The following DDB2 variants were observed in gnomAD, a reference collection of about 807,000 sequenced individuals.
DDB2 encodes the protein DNA damage-binding protein 2.
DDB2 carries 27 observed loss-of-function variants against 50.5 expected under a neutral mutation model. The ratio of observed to expected loss-of-function variants is 0.53; its 90% CI spans 0.39 to 0.74. The LOEUF is 0.74. Ranked by LOEUF, DDB2 falls within the 30% of genes least tolerant of loss-of-function variation. The pLI is 0.00. For missense variants in DDB2, 424 were observed against 545.6 expected (o/e 0.78, Z 2.22); for synonymous variants, 176 against 205.5 (o/e 0.86, Z 1.23).
At chr11:47,233,119 G>C (rs2135509474) in intron 4 of DDB2, 160 bp downstream of exon 4, 1 of 878,850 alleles carries the variant, frequency 1.1e-6, no homozygotes, top group East Asian at 2.5e-5. Flanking sequence ...CTGCTCCTTG[G>C]CTGCCCTCAC....
intron 3 of DDB2, among the ~76,000 whole-genome samples, chr11:47,225,603 AAAAAAAC>A (rs993754103): frequency 6.6e-6 from 1 of 152,258 alleles, no homozygotes; most frequent in South Asian, 2.1e-4. Flanking sequence ...ATTTTAAAAA[AAAAAAAC>A]AAAAAACTGG....
chr11:47,226,043 G>A (rs1953552724), intron 3 of DDB2, among the ~76,000 whole-genome samples: 1 of 152,080 alleles, frequency 6.6e-6, no homozygotes, highest in South Asian at 2.1e-4. Context: ...TCATCTTTTG[G>A]CTATTGTGAA....
At chr11:47,216,806 T>C in intron 2 of DDB2, 52 bp from the exon 3 acceptor site, 2 of 1,582,908 alleles carry the variant, frequency 1.3e-6, no homozygotes, top group Non-Finnish European at 1.7e-6. Flanking sequence ...GATTGGCAGT[T>C]TACCCAGAAC....
chr11:47,238,942 C>A lies in DDB2; in HGVS notation c.*93C>A. On this transcript the variant is annotated 3_prime_UTR_variant, in exon 10 of 10. Transcript: ENST00000256996. ...CAGAGGTGGCGATTTGTTAAAGGGC[C>A]AAAAGTATCCAAGGTTAGGGTTGGA... The A allele has an allele frequency of 7.4e-7, 1 of 1,344,640 alleles. No individual in the cohort carries two copies. Among genetic ancestry groups the A allele is most frequent in the Non-Finnish European group, 1.0e-6 (1 of 952,846 alleles). The allele number at this position is 1,344,640 out of a possible 1,614,324, so 83.3% of individuals were successfully genotyped here.
intron 7 of DDB2, among the ~76,000 whole-genome samples, chr11:47,236,558 T>C (rs1953728734): frequency 6.6e-6 from 1 of 152,150 alleles, no homozygotes; most frequent in Non-Finnish European, 1.5e-5. Flanking sequence ...CTTGGGCAAA[T>C]TACTTATATT....
In DDB2 at chr11:47,216,430, C is replaced by G. The variant is rs1191786171; in HGVS notation, c.222C>G (p.His74Gln). ...PPCRSIVRTL[H>Q]QHKLGRASWP... ...GCCGCAGCATCGTCAGGACCCTCCA[C>G]CAGCATAAGCTGGGCAGAGCTTCCT... Residue 74 changes from histidine to glutamine, a missense_variant, in exon 2 of 10, where the codon CAC becomes CAG. Physicochemically the swap from His to Gln is conservative, Grantham distance 24 (BLOSUM62 0). Transcript: ENST00000256996. The G allele has an allele frequency of 1.1e-5, 18 of 1,613,994 alleles. No homozygotes were observed. Among genetic ancestry groups the G allele is most frequent in the Non-Finnish European group, 1.4e-5 (17 of 1,180,030 alleles).
chr11:47,225,451 G>A (rs61897859), intron 3 of DDB2, among the ~76,000 whole-genome samples: 11,190 of 151,702 alleles, frequency 0.074, 499 homozygotes, highest in South Asian at 0.11. Context: ...AATTAGCTGG[G>A]CATGGTCGTG....
intron 7 of DDB2, among the ~76,000 whole-genome samples, chr11:47,236,598 G>A (rs968280654): frequency 1.3e-5 from 2 of 152,226 alleles, no homozygotes; most frequent in Admixed American, 6.5e-5. Flanking sequence ...TGCAAAAAGG[G>A]AATACTAGTC....
chr11:47,216,885 C>T lies in DDB2; in HGVS notation c.292C>T (p.Leu98=). 1 of 1,614,102 alleles carries T rather than the reference C, an allele frequency of 6.2e-7. No individual in the cohort carries two copies. Among genetic ancestry groups the T allele is most frequent in the Non-Finnish European group, 8.5e-7 (1 of 1,180,020 alleles). The change falls in exon 3 of 10, where the codon CTG becomes TTG. Residue 98 remains leucine, a synonymous_variant. Transcript: ENST00000256996. ...GCTCCAGCAGTCCTTTTTGCACACT[C>T]TGGATTCTTACCGGATATTACAAAA... ...QGLQQSFLHT[L]DSYRILQKAA...
chr11:47,224,880 A>G (rs1366152073), intron 3 of DDB2, among the ~76,000 whole-genome samples: 1 of 151,964 alleles, frequency 6.6e-6, no homozygotes, highest in East Asian at 1.9e-4. Flanking sequence ...TATCCCCTCT[A>G]GAAGTTTAAT....
chr11:47,235,398 C>G lies in DDB2; in HGVS notation c.1009C>G (p.Leu337Val). ...GCACCCTCACCGTCACTTCCAGCAC[C>G]TCACACCCATCAAGGTGAGTGGCGG... is the stretch of plus-strand genomic sequence containing the variant. Reference protein sequence around the residue: ...IPHPHRHFQHLTPIKAAWHPR... With the variant: ...IPHPHRHFQHVTPIKAAWHPR... The change falls in exon 7 of 10, where the codon CTC becomes GTC. Residue 337 changes from leucine to valine, a missense_variant. Physicochemically the swap from Leu to Val is conservative, Grantham distance 32. Coordinates refer to ENST00000256996, the MANE Select transcript of DDB2 (RefSeq NM_000107.3). 6.2e-7 allele frequency: 1 copy of G among 1,613,000 alleles called. No individual in the cohort carries two copies. The highest frequency in any genetic ancestry group is 8.5e-7 in the Non-Finnish European group (1 of 1,180,034).
rs1953383542 is a variant in DDB2, at chr11:47,215,223, G to A, written c.87G>A (p.Glu29=). ...ACAAGAGGAGCAGGAGTCCCCTGGA[G>A]CTGGAGCCCGAGGCCAAGAAGCTCT... The part of the protein sequence containing the change: ...PRNKRSRSPL[E]LEPEAKKLCA... The change falls in exon 1 of 10, where the codon GAG becomes GAA. Residue 29 remains glutamate (E), a synonymous_variant. Coordinates refer to ENST00000256996, the MANE Select transcript of DDB2 (RefSeq NM_000107.3). The A allele has an allele frequency of 1.9e-6, 3 of 1,614,030 alleles. No homozygotes were observed. The highest frequency in any genetic ancestry group is 4.5e-5 in the East Asian group (2 of 44,854).
At chr11:47,215,315 C>G (rs1385734119) in intron 1 of DDB2, 52 bp downstream of exon 1, 1 of 1,611,388 alleles carries the variant, frequency 6.2e-7, no homozygotes, top group African/African-American at 1.3e-5. Flanking sequence ...GGTGCTCGCG[C>G]AGGAGGCTGC....
At chr11:47,228,956 CAAAAAA>C (rs58216148) in intron 3 of DDB2, among the ~76,000 whole-genome samples, 4 of 94,252 alleles carry the variant, frequency 4.2e-5, no homozygotes, top group African/African-American at 1.8e-4. Flanking sequence ...GACTCCATCT[CAAAAAA>C]AAAAAAAAAA....
chr11:47,239,066 C>A lies in DDB2; in HGVS notation c.*217C>A. ...GACTGCTCCAGAGTTGGTGACACAG[C>A]TGTCCCAAGGGCCCCTCTGTATCTA... On this transcript the variant is annotated 3_prime_UTR_variant, in exon 10 of 10. Coordinates refer to ENST00000256996, the MANE Select transcript of DDB2 (RefSeq NM_000107.3). The A allele has an allele frequency of 1.8e-6, 1 of 561,412 alleles. No individual in the cohort carries two copies. The highest frequency in any genetic ancestry group is 3.2e-6 in the Non-Finnish European group (1 of 311,836). The allele number at this position is 561,412 out of a possible 1,614,324, so 34.8% of individuals were successfully genotyped here.
chr11:47,237,742 T>A, intron 7 of DDB2, 95 bp from the exon 8 acceptor site: 1 of 1,330,686 alleles, frequency 7.5e-7, no homozygotes, highest in Non-Finnish European at 1.1e-6. Flanking sequence ...GCCCAAAGAA[T>A]ACTTTTGATG....
At chr11:47,236,757 TAATA>T (rs965744266) in intron 7 of DDB2, among the ~76,000 whole-genome samples, 5 of 152,232 alleles carry the variant, frequency 3.3e-5, no homozygotes, top group African/African-American at 1.2e-4. Flanking sequence ...TCCAAGCTCT[TAATA>T]AATAATGTCA....
upstream of DDB2, chr11:47,214,632 G>T (rs1423355113): frequency 5.9e-6 from 1 of 169,306 alleles, no homozygotes; most frequent in Non-Finnish European, 1.3e-5. Flanking sequence ...TTAGCCGGGC[G>T]TGGTGGCGTA....
At position 47,215,213 on chromosome 11, in the gene DDB2, G is replaced by A. The variant is rs780776638; in HGVS notation, c.77G>A (p.Ser26Asn). Residue 26 changes from serine to asparagine, a missense_variant, in exon 1 of 10, where the codon AGT becomes AAT. Physicochemically the swap from Ser to Asn is conservative, Grantham distance 46. Transcript: ENST00000256996. ...CGCCCCAGGAACAAGAGGAGCAGGAGTCCCCTGGAGCTGGAGCCCGAGGCC... is the reference window on the plus strand; with the variant it reads ...CGCCCCAGGAACAAGAGGAGCAGGAATCCCCTGGAGCTGGAGCCCGAGGCC... ...VLRPRNKRSR[S>N]PLELEPEAKK... The A allele has an allele frequency of 1.2e-6, 2 of 1,614,058 alleles. No homozygotes were observed. Among genetic ancestry groups the A allele is most frequent in the Non-Finnish European group, 1.7e-6 (2 of 1,180,022 alleles).
Sources: gnomAD v4.1 joint callset for allele counts (sites outside exome capture counted in the v4.1 genomes callset) on GRCh38, gnomAD v4.1.1 for gene constraint, MANE v1.5 for transcripts, NCBI Gene and HGNC (gene_info 2026-07-23, HGNC 2026-07-21) for gene names.